Variants in MYPN observed in about 807,000 individuals in gnomAD.
MYPN encodes sarcomeric protein myopalladin, 145 kDa (MYOP).
MYPN carries 63 observed loss-of-function variants against 129.4 expected under a neutral mutation model. That is an observed-to-expected ratio of 0.49 (90% CI 0.40 to 0.60). MYPN has a LOEUF of 0.60. MYPN is among the 20% of genes least tolerant of loss of function. MYPN has a pLI of 0.00. For synonymous variants in MYPN, 629 were observed against 600.9 expected, an observed-to-expected ratio of 1.05 and a Z score of -0.68; for missense variants, 1,596 against 1,635.4, an observed-to-expected ratio of 0.98 and a Z score of 0.42.
At chr10:68,186,762 G>A (rs1466381822) in intron 12 of MYPN, among the ~76,000 whole-genome samples, 3 of 152,140 alleles carry the variant, frequency 2.0e-5, no homozygotes, top group African/African-American at 7.2e-5. Flanking sequence ...CCCTGCTCTA[G>A]CGGAGCTAAC....
At chr10:68,128,280 A>T (rs2042356537) in intron 2 of MYPN, among the ~76,000 whole-genome samples, 1 of 152,174 alleles carries the variant, frequency 6.6e-6, no homozygotes, top group African/African-American at 2.4e-5. Flanking sequence ...GGGTAACTCT[A>T]TGTTTGCTTG....
chr10:68,168,991 TAAAAAAAAAAAAAAAAAA>T (rs71009012), intron 10 of MYPN, among the ~76,000 whole-genome samples: 16 of 80,304 alleles, frequency 2.0e-4, no homozygotes, highest in Admixed American at 8.7e-4. Context: ...GATTATTTCT[TAAAAAAAAAAAAAAAAAA>T]AAAAAAAAAA....
chr10:68,190,440 C>G (rs1336496271), intron 13 of MYPN, among the ~76,000 whole-genome samples: 2 of 54,008 alleles, frequency 3.7e-5, no homozygotes, highest in African/African-American at 1.3e-4. Context: ...ACCCTGGAGG[C>G]CTCAGCCTCC....
upstream of MYPN, among the ~76,000 whole-genome samples, chr10:68,102,917 G>A (rs559094070): frequency 1.3e-5 from 2 of 152,006 alleles, no homozygotes; most frequent in Non-Finnish European, 1.5e-5. Flanking sequence ...CCTGCATTTC[G>A]AACTGAAGCT....
chr10:68,194,823 C>T (rs2043577757), intron 14 of MYPN, among the ~76,000 whole-genome samples: 1 of 152,290 alleles, frequency 6.6e-6, no homozygotes, highest in East Asian at 1.9e-4. Flanking sequence ...GTCAATAAAT[C>T]ATTATATCAA....
chr10:68,121,267 G>A (rs1253247571), intron 1 of MYPN, among the ~76,000 whole-genome samples, 171 bp from the exon 2 acceptor site: 1 of 152,134 alleles, frequency 6.6e-6, no homozygotes, highest in African/African-American at 2.4e-5. Flanking sequence ...GACAAAGTGA[G>A]ACCTTCTCTC....
intron 7 of MYPN, among the ~76,000 whole-genome samples, chr10:68,160,107 T>C (rs1357666920): frequency 3.9e-5 from 6 of 152,078 alleles, no homozygotes; most frequent in Non-Finnish European, 5.9e-5. Context: ...ATATTCTGAA[T>C]GCCATTTAAA....
Position 68,116,733 on chromosome 10 carries a change from T to C in MYPN, c.-1-4705T>C, listed in dbSNP as rs1444411968. On this transcript the variant is annotated intron_variant, in intron 1 of 19. Coordinates refer to ENST00000358913, the MANE Select transcript of MYPN (RefSeq NM_032578.4). Reference sequence around the variant, plus strand: ...TCTGGGCTATAAGAGCGAGAGTCTATCTCAAAAAAAAAGAAAGAAAAGAAA... The same window carrying C: ...TCTGGGCTATAAGAGCGAGAGTCTACCTCAAAAAAAAAGAAAGAAAAGAAA... Among the ~76,000 whole-genome samples the C allele has an allele frequency of 2.6e-5, 4 of 151,228 alleles. No homozygotes were observed. The East Asian group carries it at 7.7e-4, about 29-fold the overall frequency.
At chr10:68,142,243 T>G (rs2042589157) in intron 2 of MYPN, among the ~76,000 whole-genome samples, 1 of 152,252 alleles carries the variant, frequency 6.6e-6, no homozygotes. Context: ...CATTTAATTT[T>G]AATGTCCATT....
intron 6 of MYPN, among the ~76,000 whole-genome samples, chr10:68,157,805 G>A (rs538049250): frequency 5.4e-5 from 8 of 148,556 alleles, no homozygotes; most frequent in Admixed American, 4.8e-4. Flanking sequence ...TCACAACACT[G>A]CACACCAGCC....
Position 68,210,552 on chromosome 10 carries a change from G to T in MYPN, c.*97G>T. 1 of 1,408,964 alleles carries T rather than the reference G, an allele frequency of 7.1e-7. No individual in the cohort carries two copies. The allele number at this position is 1,408,964 out of a possible 1,614,324, so 87.3% of individuals were successfully genotyped here. On this transcript the variant is annotated 3_prime_UTR_variant, in exon 20 of 20. Coordinates refer to ENST00000358913, the MANE Select transcript of MYPN (RefSeq NM_032578.4). ...TTTCCAAGCAACCGAAGTTGAGTAA[G>T]TTCCCACACTGCTGGACCTGTGGCA...
intron 16 of MYPN, among the ~76,000 whole-genome samples, chr10:68,198,679 C>G (rs891446347): frequency 3.3e-5 from 5 of 152,198 alleles, no homozygotes; most frequent in African/African-American, 9.7e-5. Flanking sequence ...TTTTAAACAC[C>G]TCCCACATGA....
intron 2 of MYPN, among the ~76,000 whole-genome samples, chr10:68,128,595 T>C (rs2042361371): frequency 6.6e-6 from 1 of 152,170 alleles, no homozygotes; most frequent in Non-Finnish European, 1.5e-5. Context: ...ACAGCCAAAT[T>C]CCCTGCCTTC....
intron 1 of MYPN, among the ~76,000 whole-genome samples, chr10:68,099,248 C>T (rs2041971268): frequency 6.6e-6 from 1 of 152,166 alleles, no homozygotes; most frequent in Admixed American, 6.6e-5. Flanking sequence ...CTGAGTTTTA[C>T]TGCTGGCTTA....
intron 1 of MYPN, among the ~76,000 whole-genome samples, chr10:68,117,771 A>G (rs555132531): frequency 6.6e-6 from 1 of 151,632 alleles, no homozygotes; most frequent in South Asian, 2.1e-4. Context: ...ATACATGGCC[A>G]TAGCTGTTAA....
chr10:68,119,673 A>G (rs1380153110), intron 1 of MYPN, among the ~76,000 whole-genome samples: 2 of 152,184 alleles, frequency 1.3e-5, no homozygotes, highest in African/African-American at 4.8e-5. Context: ...TGGCCTCCCA[A>G]AGTGCTGGGA....
chr10:68,148,913 A>G (rs530474402), intron 5 of MYPN, among the ~76,000 whole-genome samples: 2 of 152,342 alleles, frequency 1.3e-5, no homozygotes, highest in South Asian at 4.1e-4. Flanking sequence ...ATACATGCTT[A>G]TTGTAAAAAC....
intron 2 of MYPN, among the ~76,000 whole-genome samples, chr10:68,129,381 A>G (rs1034332405): frequency 1.3e-5 from 2 of 152,200 alleles, no homozygotes; most frequent in African/African-American, 4.8e-5. Context: ...TTCTTCTACT[A>G]CTTGAATTTT....
upstream of MYPN, among the ~76,000 whole-genome samples, chr10:68,108,620 A>T (rs1379761594): frequency 6.6e-6 from 1 of 152,220 alleles, no homozygotes; most frequent in Non-Finnish European, 1.5e-5. Flanking sequence ...CTGAATTTTC[A>T]AAGTCCTGTC....
Sources: allele counts gnomAD v4.1 joint callset (sites outside exome capture counted in the v4.1 genomes callset), GRCh38; gene constraint gnomAD v4.1.1; transcripts MANE v1.5; gene names NCBI Gene and HGNC (gene_info 2026-07-23, HGNC 2026-07-21).